The following GABRB3 variants were observed in gnomAD, a reference collection of about 807,000 sequenced individuals.
The protein encoded by GABRB3 is gamma-aminobutyric acid type A receptor subunit beta3.
A neutral mutation model predicts 52.1 loss-of-function variants in GABRB3; 14 were observed. The ratio of observed to expected loss-of-function variants is 0.27; its 90% CI spans 0.18 to 0.42. The LOEUF (loss-of-function observed/expected upper bound fraction) is 0.42, where lower values mean the gene tolerates loss of function less well. Ranked by LOEUF, GABRB3 falls within the 10% of genes least tolerant of loss-of-function variation. The probability of loss-of-function intolerance (pLI) is 1.00; values close to 1 mark genes in which losing one functional copy is unlikely to be tolerated. For missense variants in GABRB3, 307 were observed against 609.1 expected, an observed-to-expected ratio of 0.50 and a Z score of 5.22; for synonymous variants, 260 against 232.3, an observed-to-expected ratio of 1.12 and a Z score of -1.08.
At chr15:26,741,643 C>T (rs1890211332) in intron 3 of GABRB3, among the ~76,000 whole-genome samples, 1 of 152,288 alleles carries the variant, frequency 6.6e-6, no homozygotes, top group African/African-American at 2.4e-5. Context: ...GGGTCTCACT[C>T]CGTCCCCCAG....
chr15:26,567,875 G>T, intron 6 of GABRB3, 142 bp from the exon 7 acceptor site: 1 of 758,244 alleles, frequency 1.3e-6, no homozygotes, highest in Non-Finnish European at 2.3e-6. Flanking sequence ...GTTTGCTTCT[G>T]TCTGCTAGCG....
intron 3 of GABRB3, among the ~76,000 whole-genome samples, chr15:26,642,102 A>G (rs925558507): frequency 6.6e-6 from 1 of 152,114 alleles, no homozygotes; most frequent in African/African-American, 2.4e-5. Context: ...CATGTTGCCC[A>G]GGCCAGTCTT....
chr15:26,736,730 A>G (rs1342950162), intron 3 of GABRB3, among the ~76,000 whole-genome samples: 1 of 152,244 alleles, frequency 6.6e-6, no homozygotes, highest in Non-Finnish European at 1.5e-5. Flanking sequence ...AATGTGTTCC[A>G]TTTGCACATC....
At chr15:26,603,646 T>C (rs1171872865) in intron 4 of GABRB3, among the ~76,000 whole-genome samples, 3 of 152,022 alleles carry the variant, frequency 2.0e-5, no homozygotes, top group Non-Finnish European at 2.9e-5. Context: ...TGTGACACAC[T>C]GTGTCAACAG....
intron 7 of GABRB3, among the ~76,000 whole-genome samples, chr15:26,562,830 A>G (rs1293194261): frequency 4.0e-5 from 3 of 74,424 alleles, no homozygotes; most frequent in African/African-American, 1.6e-4. Context: ...AGAACTGAAG[A>G]CTTGAGAAAC....
At chr15:26,569,843 C>A (rs1053653865) in intron 6 of GABRB3, among the ~76,000 whole-genome samples, 15 of 152,132 alleles carry the variant, frequency 9.9e-5, no homozygotes, top group Non-Finnish European at 1.5e-4. Flanking sequence ...AAAACCTTGT[C>A]CTTTCAATTA....
At chr15:26,681,137 A>G (rs1309869364) in intron 3 of GABRB3, among the ~76,000 whole-genome samples, 2 of 151,996 alleles carry the variant, frequency 1.3e-5, no homozygotes, top group Non-Finnish European at 2.9e-5. Flanking sequence ...GTGATGAGAA[A>G]TAAACAAACC....
intron 3 of GABRB3, among the ~76,000 whole-genome samples, chr15:26,638,741 C>CA (rs1452607122): frequency 6.6e-6 from 1 of 152,276 alleles, no homozygotes; most frequent in African/African-American, 2.4e-5. Context: ...TGCATGTAAT[C>CA]AGTCTTCATG....
intron 4 of GABRB3, among the ~76,000 whole-genome samples, chr15:26,597,995 T>G (rs1272058416): frequency 6.6e-6 from 1 of 152,156 alleles, no homozygotes; most frequent in Admixed American, 6.5e-5. Context: ...AAATGGGCTG[T>G]GGAAAGGGAA....
At chr15:26,715,515 C>T (rs1889439785) in intron 3 of GABRB3, among the ~76,000 whole-genome samples, 1 of 152,016 alleles carries the variant, frequency 6.6e-6, no homozygotes, top group African/African-American at 2.4e-5. Flanking sequence ...ACAATAAGTC[C>T]TTAAGTGCCG....
intron 3 of GABRB3, among the ~76,000 whole-genome samples, chr15:26,650,378 T>C (rs1686636469): frequency 6.6e-6 from 1 of 151,888 alleles, no homozygotes; most frequent in South Asian, 2.1e-4. Flanking sequence ...CTGGAGTGGG[T>C]GATGCTGAGA....
chr15:26,587,744 G>C (rs11633705), intron 4 of GABRB3, among the ~76,000 whole-genome samples: 45,506 of 152,084 alleles, frequency 0.3, 7,936 homozygotes, highest in East Asian at 0.79. Context: ...ACCAAGGGCA[G>C]ATAGGCCACA....
chr15:26,670,277 A>C (rs777325993), intron 3 of GABRB3, among the ~76,000 whole-genome samples: 2 of 152,086 alleles, frequency 1.3e-5, no homozygotes, highest in East Asian at 3.9e-4. Flanking sequence ...CGGGAGAGGT[A>C]AGGGTAGGCG....
intron 3 of GABRB3, among the ~76,000 whole-genome samples, chr15:26,649,815 T>C (rs944918080): frequency 6.6e-6 from 1 of 152,068 alleles, no homozygotes; most frequent in Admixed American, 6.6e-5. Context: ...TATGGAAATA[T>C]GGAATCATAG....
At chr15:26,634,956 CAAGTAAGT>C (rs66675413) in intron 3 of GABRB3, among the ~76,000 whole-genome samples, 3 of 120,054 alleles carry the variant, frequency 2.5e-5, no homozygotes, top group Non-Finnish European at 5.1e-5. Context: ...ATAACTTTCT[CAAGTAAGT>C]AAGAGATATA....
chr15:26,620,556 A>C (rs561129983), intron 4 of GABRB3, among the ~76,000 whole-genome samples: 1 of 152,382 alleles, frequency 6.6e-6, no homozygotes, highest in East Asian at 1.9e-4. Context: ...GGAGAGCAAG[A>C]AACAGACACA....
chr15:26,610,863 G>C lies in GABRB3; in HGVS notation c.461+10451C>G, dbSNP rs186819832. On this transcript the variant is annotated intron_variant, in intron 4 of 8. Transcript: ENST00000311550. ...TTCAGAATTGTCAGCATACATTTTT[G>C]TCTGGGTTTTATATTTGTCTCTGCT... is the stretch of plus-strand genomic sequence containing the variant. Among the ~76,000 whole-genome samples, 172 of 152,274 alleles carry C rather than the reference G, an allele frequency of 1.1e-3. 4 individuals carry two copies. The highest frequency in any genetic ancestry group is 3.4e-3 in the Middle Eastern group (1 of 294).
chr15:26,617,316 A>G (rs1300988367), intron 4 of GABRB3, among the ~76,000 whole-genome samples: 3 of 152,172 alleles, frequency 2.0e-5, no homozygotes, highest in Non-Finnish European at 4.4e-5. Flanking sequence ...CTTATCCAAC[A>G]TGATAAAGTG....
chr15:26,603,381 G>A (rs1038698040), intron 4 of GABRB3, among the ~76,000 whole-genome samples: 1 of 151,774 alleles, frequency 6.6e-6, no homozygotes, highest in African/African-American at 2.4e-5. Flanking sequence ...AAATAAAGAA[G>A]GAAATACTTC....
Sources: gnomAD v4.1 joint callset for allele counts (sites outside exome capture counted in the v4.1 genomes callset) on GRCh38, gnomAD v4.1.1 for gene constraint, MANE v1.5 for transcripts, NCBI Gene and HGNC (gene_info 2026-07-23, HGNC 2026-07-21) for gene names.